Variants in DAW1 observed in about 807,000 individuals in gnomAD.
DAW1 encodes the protein dynein assembly factor with WD repeat domains 1.
A neutral mutation model predicts 56.5 loss-of-function variants in DAW1; 47 were observed. The observed-to-expected ratio is 0.83, with a 90% CI of 0.66 to 1.06. The LOEUF (loss-of-function observed/expected upper bound fraction) is 1.06. DAW1 is among the 50% of genes least tolerant of loss of function. DAW1 has a pLI of 0.00. For missense variants in DAW1, 505 were observed against 499.3 expected (o/e 1.01, Z -0.11); for synonymous variants, 190 against 179.0 (o/e 1.06, Z -0.49).
At chr2:227,901,721 C>T (rs78064445) in intron 6 of DAW1, among the ~76,000 whole-genome samples, 3 of 152,038 alleles carry the variant, frequency 2.0e-5, no homozygotes, top group African/African-American at 4.8e-5. Flanking sequence ...GAAGAGTTGA[C>T]GAGTGAGCAG....
intron 1 of DAW1, among the ~76,000 whole-genome samples, chr2:227,873,399 G>A (rs796626564): frequency 1.7e-4 from 26 of 152,312 alleles, no homozygotes; most frequent in African/African-American, 6.3e-4. Context: ...TCAGCTTCTA[G>A]AAGAGATTTG....
intron 2 of DAW1, chr2:227,887,891 A>AT (rs1219197709): frequency 6.6e-6 from 1 of 152,236 alleles, no homozygotes. Context: ...ACATGCTGGA[A>AT]TTATTGCATG....
At chr2:227,872,974 A>C (rs1690791777) in intron 1 of DAW1, among the ~76,000 whole-genome samples, 1 of 152,164 alleles carries the variant, frequency 6.6e-6, no homozygotes, top group Non-Finnish European at 1.5e-5. Context: ...ATAGCTTCCT[A>C]TCATGCTTAG....
At chr2:227,910,043 C>G (rs576244441) in intron 10 of DAW1, among the ~76,000 whole-genome samples, 1 of 152,170 alleles carries the variant, frequency 6.6e-6, no homozygotes, top group South Asian at 2.1e-4. Flanking sequence ...AATACAACAT[C>G]GTGATGTTTC....
At chr2:227,914,754 A>G (rs1177284706) in intron 10 of DAW1, among the ~76,000 whole-genome samples, 1 of 152,082 alleles carries the variant, frequency 6.6e-6, no homozygotes, top group Non-Finnish European at 1.5e-5. Flanking sequence ...ACCACCTATG[A>G]TGCTACATGT....
At position 227,889,918 on chromosome 2, in the gene DAW1, G is replaced by T. The variant is rs549809115; in HGVS notation, c.176G>T (p.Arg59Leu). 4 of 1,610,714 alleles carry T rather than the reference G, an allele frequency of 2.5e-6. No homozygotes were observed. Among genetic ancestry groups the T allele is most frequent in the Admixed American group, 1.7e-5 (1 of 59,184 alleles). ...GCAGAACCTCTACTCACAGCTTCAC[G>T]AACAGAGCAAGTCAAACTTTTGATA... ...QKAEPLLTAS[R>L]TEQVKLLIQR... Residue 59 changes from arginine (R) to leucine (L), a missense_variant, in exon 3 of 13, where the codon CGA (arginine) becomes CTA (leucine). Coordinates refer to ENST00000309931, the MANE Select transcript of DAW1 (RefSeq NM_178821.3).
intron 3 of DAW1, among the ~76,000 whole-genome samples, chr2:227,890,455 G>C (rs1691237312): frequency 6.6e-6 from 1 of 151,950 alleles, no homozygotes; most frequent in Non-Finnish European, 1.5e-5. Context: ...TAGTTTTTTT[G>C]ATGATTAAAT....
At chr2:227,896,117 T>A (rs1691401130) in intron 5 of DAW1, among the ~76,000 whole-genome samples, 1 of 152,240 alleles carries the variant, frequency 6.6e-6, no homozygotes, top group South Asian at 2.1e-4. Context: ...ATTAAAGTGA[T>A]TAAGCGTTCC....
intron 10 of DAW1, among the ~76,000 whole-genome samples, chr2:227,917,619 A>G (rs1458983748): frequency 6.6e-6 from 1 of 152,154 alleles, no homozygotes; most frequent in Non-Finnish European, 1.5e-5. Context: ...GTTGCAGGCC[A>G]TATTATTTCT....
intron 1 of DAW1, among the ~76,000 whole-genome samples, chr2:227,877,901 G>C: frequency 6.6e-6 from 1 of 152,260 alleles, no homozygotes; most frequent in South Asian, 2.1e-4. Context: ...CCCTGGCCTA[G>C]AGGTTTTGTC....
chr2:227,917,688 G>A (rs951465376), intron 10 of DAW1, among the ~76,000 whole-genome samples: 1 of 81,192 alleles, frequency 1.2e-5, no homozygotes, highest in Admixed American at 1.3e-4. Context: ...ATCTGTGCAG[G>A]ACATTCTCTT....
At chr2:227,897,358 C>T (rs16825805) in intron 5 of DAW1, among the ~76,000 whole-genome samples, 2,159 of 152,018 alleles carry the variant, frequency 0.014, 41 homozygotes, top group African/African-American at 0.049. Context: ...GGGGGAGAAT[C>T]AAGGCATCAA....
intron 1 of DAW1, chr2:227,872,015 G>A (rs896446953): frequency 4.2e-6 from 2 of 471,022 alleles, no homozygotes; most frequent in African/African-American, 2.0e-5. Context: ...TGTGCTCTCT[G>A]CTATGGACCT....
chr2:227,873,553 C>G (rs1690805388), intron 1 of DAW1, among the ~76,000 whole-genome samples: 2 of 152,174 alleles, frequency 1.3e-5, no homozygotes. Flanking sequence ...AAGACCGATC[C>G]TGGACAGCTA....
At chr2:227,878,898 G>A (rs541181875) in intron 1 of DAW1, among the ~76,000 whole-genome samples, 58 of 146,146 alleles carry the variant, frequency 4.0e-4, no homozygotes, top group East Asian at 1.6e-3. Context: ...AATGATTCTC[G>A]TGCCTCAGCT....
intron 2 of DAW1, among the ~76,000 whole-genome samples, chr2:227,888,218 G>A (rs897095095): frequency 6.6e-6 from 1 of 152,186 alleles, no homozygotes; most frequent in Non-Finnish European, 1.5e-5. Flanking sequence ...TCAATTGAAT[G>A]AGCAGGTTCC....
At chr2:227,900,502 G>A (rs375552841) in intron 6 of DAW1, among the ~76,000 whole-genome samples, 1 of 152,214 alleles carries the variant, frequency 6.6e-6, no homozygotes, top group Non-Finnish European at 1.5e-5. Context: ...AAGATGTGTT[G>A]TAAGTGTCAG....
chr2:227,874,806 C>T (rs573472728), intron 1 of DAW1, among the ~76,000 whole-genome samples: 1 of 152,064 alleles, frequency 6.6e-6, no homozygotes, highest in South Asian at 2.1e-4. Flanking sequence ...ACTAAAAATA[C>T]AAAACAATTA....
intron 1 of DAW1, among the ~76,000 whole-genome samples, chr2:227,881,676 C>T (rs1018693629): frequency 8.0e-5 from 12 of 149,406 alleles, no homozygotes; most frequent in Admixed American, 3.3e-4. Context: ...TTTGCCAGAT[C>T]GTGACATAAA....
Sources: allele counts gnomAD v4.1 joint callset (sites outside exome capture counted in the v4.1 genomes callset), GRCh38; gene constraint gnomAD v4.1.1; transcripts MANE v1.5; gene names NCBI Gene and HGNC (gene_info 2026-07-23, HGNC 2026-07-21).